The following SACS variants were observed in gnomAD, a reference collection of about 807,000 sequenced individuals.
SACS encodes the protein sacsin molecular chaperone.
In SACS, 197 loss-of-function variants were observed where a neutral mutation model predicts 348.0. The ratio of observed to expected loss-of-function variants is 0.57; its 90% CI spans 0.50 to 0.64. The LOEUF (loss-of-function observed/expected upper bound fraction) is 0.64, where lower values mean the gene tolerates loss of function less well. Ranked by LOEUF, SACS falls within the 30% of genes least tolerant of loss-of-function variation. SACS has a pLI of 0.00. For synonymous variants in SACS, 1,985 were observed against 1,910.6 expected (o/e 1.04, Z -1.02); for missense variants, 4,999 against 5,360.8 (o/e 0.93, Z 2.11).
chr13:23,348,279 G>C (rs571575559), intron 9 of SACS, among the ~76,000 whole-genome samples: 2 of 152,220 alleles, frequency 1.3e-5, no homozygotes, highest in African/African-American at 2.4e-5. Flanking sequence ...CTCTCAAATG[G>C]AGATACAGGC....
chr13:23,422,945 T>C (rs1874015210), intron 1 of SACS, among the ~76,000 whole-genome samples: 1 of 152,244 alleles, frequency 6.6e-6, no homozygotes, highest in South Asian at 2.1e-4. Flanking sequence ...GCGAAGAACA[T>C]TTGTGATGTG....
At chr13:23,418,696 G>T (rs1423890891) in intron 1 of SACS, among the ~76,000 whole-genome samples, 1 of 152,124 alleles carries the variant, frequency 6.6e-6, no homozygotes. Context: ...AGTAGAGAGG[G>T]GATTCACCAT....
intron 9 of SACS, among the ~76,000 whole-genome samples, chr13:23,346,152 T>A (rs1416464146): frequency 1.3e-5 from 2 of 152,148 alleles, no homozygotes; most frequent in South Asian, 2.1e-4. Flanking sequence ...TGTTTTTGTT[T>A]TTGTGTGTTT....
chr13:23,432,958 C>T (rs754085866), intron 1 of SACS, among the ~76,000 whole-genome samples: 2 of 152,036 alleles, frequency 1.3e-5, no homozygotes, highest in Non-Finnish European at 2.9e-5. Flanking sequence ...AAAAAGACAG[C>T]GAGAGAGAGG....
rs752059006 is a variant in SACS, at chr13:23,353,788, G to C, written c.2182C>G (p.Arg728Gly). The part of the protein sequence containing the change: ...VAALKEAAQT[R>G]GRPCTQLQLL... ...AAAGAATACTAAACTATAATACCTC[G>C]GGTTTGGGCAGCTTCCTTTAAAGCA... Residue 728 changes from arginine (R) to glycine (G), a missense_variant, in exon 9 of 10, where the codon CGA (arginine) becomes GGA (glycine). By Grantham distance (125) the Arg-to-Gly change is moderately radical. Coordinates refer to ENST00000382292, the MANE Select transcript of SACS (RefSeq NM_014363.6). 3.8e-6 allele frequency: 6 copies of C among 1,563,028 alleles called. No homozygotes were observed. The highest frequency in any genetic ancestry group is 3.4e-5 in the South Asian group (3 of 89,500).
chr13:23,374,930 T>A (rs1384358883), intron 3 of SACS, among the ~76,000 whole-genome samples, 189 bp downstream of exon 3: 2 of 151,814 alleles, frequency 1.3e-5, no homozygotes, highest in East Asian at 3.9e-4. Context: ...ATGGGTGGGG[T>A]TCGGGGTGGG....
chr13:23,353,308 A>G (rs988362431), intron 9 of SACS, among the ~76,000 whole-genome samples: 2 of 152,168 alleles, frequency 1.3e-5, no homozygotes, highest in African/African-American at 4.8e-5. Context: ...CATCATAACT[A>G]CATAAAACCA....
Position 23,330,505 on chromosome 13 carries a change from G to T in SACS, c.13371C>A (p.Asn4457Lys). ...GAAGGTCATTCCTGGCAGCTGAGAA[G>T]TTTGCTCTGGCTTGTCTTAGCCATC... The part of the protein sequence containing the change: ...ARRWLRQARA[N>K]FSAARNDLHK... Residue 4457 changes from asparagine (N) to lysine (K), a missense_variant, in exon 10 of 10, where the codon AAC becomes AAA. This residue lies in a region of SACS where 254 missense variants were observed against 275.1 expected (regional missense o/e 0.92). Transcript: ENST00000382292. 4 of 1,614,190 alleles carry T rather than the reference G, an allele frequency of 2.5e-6. No individual in the cohort carries two copies. Among genetic ancestry groups the T allele is most frequent in the Non-Finnish European group, 3.4e-6 (4 of 1,180,016 alleles).
chr13:23,427,049 A>G (rs546942000), intron 1 of SACS: 1 of 152,274 alleles, frequency 6.6e-6, no homozygotes, highest in South Asian at 2.1e-4. Context: ...TCTCCTCACC[A>G]TGGCTTGAGA....
intron 1 of SACS, among the ~76,000 whole-genome samples, chr13:23,417,940 G>T (rs961986176): frequency 6.6e-6 from 1 of 151,608 alleles, no homozygotes; most frequent in African/African-American, 2.4e-5. Flanking sequence ...ATGGTGGCAC[G>T]CACTTGTAGT....
At chr13:23,389,092 G>T (rs980722236) in intron 2 of SACS, among the ~76,000 whole-genome samples, 3 of 152,022 alleles carry the variant, frequency 2.0e-5, no homozygotes, top group Middle Eastern at 3.4e-3. Context: ...ACTTGTATGT[G>T]TCAATTACCA....
chr13:23,350,439 A>T (rs558708555), intron 9 of SACS, among the ~76,000 whole-genome samples: 1 of 152,372 alleles, frequency 6.6e-6, no homozygotes, highest in South Asian at 2.1e-4. Flanking sequence ...AACACTAAAA[A>T]TACAAGCAGT....
intron 2 of SACS, among the ~76,000 whole-genome samples, chr13:23,410,965 A>G (rs888230304): frequency 7.9e-5 from 12 of 152,216 alleles, no homozygotes; most frequent in Non-Finnish European, 1.6e-4. Flanking sequence ...ACATCTAGTT[A>G]GCTCTCCATT....
chr13:23,375,485 A>C, intron 2 of SACS: 1 of 1,147,520 alleles, frequency 8.7e-7, no homozygotes. Flanking sequence ...GCAGTCCCGT[A>C]CGCAGCAGCC....
chr13:23,336,724 T>C lies in SACS; in HGVS notation c.7152A>G (p.Glu2384=). The change falls in exon 10 of 10, where the codon GAA becomes GAG. Residue 2384 remains glutamate, a synonymous_variant. Transcript: ENST00000382292. The stretch of plus-strand genomic sequence containing the variant: ...GCCTCACACCCACGGTTTCAAAAAG[T>C]TCGCGGAAATTATTTTTATACTTAT... ...LPNKYKNNFR[E]LFETVGVRQS... The C allele has an allele frequency of 3.1e-6, 5 of 1,613,838 alleles. No homozygotes were observed. Among genetic ancestry groups the C allele is most frequent in the Non-Finnish European group, 3.4e-6 (4 of 1,179,864 alleles).
In SACS at chr13:23,339,210, A is replaced by G; in HGVS notation, c.4666T>C (p.Phe1556Leu). ...KRGEVDKVGK[F>L]GLGFNSVYHI... is the part of the protein sequence containing the mutation. ...TACACAGAATTAAATCCAAGACCAA[A>G]TTTTCCAACTTTGTCAACTTCTCCC... Residue 1556 changes from phenylalanine (F) to leucine (L), a missense_variant, in exon 10 of 10, where the codon TTT becomes CTT. Coordinates refer to ENST00000382292, the MANE Select transcript of SACS (RefSeq NM_014363.6). The G allele has an allele frequency of 6.2e-7, 1 of 1,611,604 alleles. No homozygotes were observed. Among genetic ancestry groups the G allele is most frequent in the African/African-American group, 1.3e-5 (1 of 74,946 alleles).
At chr13:23,419,905 G>A (rs918451671) in intron 1 of SACS, among the ~76,000 whole-genome samples, 4 of 152,222 alleles carry the variant, frequency 2.6e-5, no homozygotes, top group African/African-American at 4.8e-5. Flanking sequence ...TAGGGACGCA[G>A]TATCCACCTG....
chr13:23,408,528 C>T (rs1312970417), intron 2 of SACS, among the ~76,000 whole-genome samples: 2 of 152,216 alleles, frequency 1.3e-5, no homozygotes, highest in Non-Finnish European at 2.9e-5. Context: ...GATAATTTAA[C>T]TGCTTTTCCC....
chr13:23,340,060 G>A lies in SACS; in HGVS notation c.3816C>T (p.Ala1272=). 1 of 1,613,962 alleles carries A rather than the reference G, an allele frequency of 6.2e-7. No homozygotes were observed. Among genetic ancestry groups the A allele is most frequent in the South Asian group, 1.1e-5 (1 of 91,038 alleles). Reference sequence around the variant, plus strand: ...CAGTCCAAACCCATGGAAATTTTAAGGCTCTAAAAGAATCTTTCCCTTCAT... The same window carrying A: ...CAGTCCAAACCCATGGAAATTTTAAAGCTCTAAAAGAATCTTTCCCTTCAT... ...HLNEGKDSFR[A]LKFPWVWTGK... The change falls in exon 10 of 10, where the codon GCC becomes GCT. Residue 1272 remains alanine (A), a synonymous_variant. Coordinates refer to ENST00000382292, the MANE Select transcript of SACS (RefSeq NM_014363.6).
Sources: gnomAD v4.1 joint callset for allele counts (sites outside exome capture counted in the v4.1 genomes callset) on GRCh38, gnomAD v4.1.1 for gene constraint, gnomAD v4.1.1 regional missense constraint, MANE v1.5 for transcripts, NCBI Gene and HGNC (gene_info 2026-07-23, HGNC 2026-07-21) for gene names.